Variants in CTIF observed in about 807,000 individuals in gnomAD.
CTIF encodes the protein CBP80/20-dependent translation initiation factor.
Under a neutral mutation model 66.0 loss-of-function variants are expected in CTIF, and 21 were observed. The observed-to-expected ratio is 0.32, with a 90% CI of 0.23 to 0.46. CTIF has a LOEUF of 0.46. Ranked by LOEUF, CTIF falls within the 20% of genes least tolerant of loss-of-function variation. The probability of loss-of-function intolerance (pLI) is 1.00; values close to 1 mark genes in which losing one functional copy is unlikely to be tolerated. For synonymous variants in CTIF, 345 were observed against 326.4 expected (o/e 1.06, Z -0.62); for missense variants, 739 against 812.7 (o/e 0.91, Z 1.10).
intron 1 of CTIF, among the ~76,000 whole-genome samples, chr18:48,552,732 A>T (rs1403049848): frequency 6.6e-6 from 1 of 152,178 alleles, no homozygotes; most frequent in Non-Finnish European, 1.5e-5. Flanking sequence ...GCGGAGGTTG[A>T]GTGTTTTACC....
chr18:48,664,363 C>T (rs2091398290), intron 4 of CTIF, 84 bp from the exon 5 acceptor site: 1 of 1,237,130 alleles, frequency 8.1e-7, no homozygotes, highest in Non-Finnish European at 1.2e-6. Flanking sequence ...TCTGCTCTGC[C>T]AGGTTCAGCC....
At chr18:48,721,103 C>T (rs1360530926) in intron 7 of CTIF, among the ~76,000 whole-genome samples, 1 of 152,226 alleles carries the variant, frequency 6.6e-6, no homozygotes, top group Non-Finnish European at 1.5e-5. Flanking sequence ...AGTTGGAGAG[C>T]AGAGTACTAC....
chr18:48,858,561 C>CT (rs2069382698), intron 11 of CTIF, among the ~76,000 whole-genome samples: 2 of 152,066 alleles, frequency 1.3e-5, no homozygotes, highest in African/African-American at 4.8e-5. Context: ...TCAAGGGAGG[C>CT]TTTGTGAAGA....
At chr18:48,671,111 A>G (rs1440855764) in intron 6 of CTIF, among the ~76,000 whole-genome samples, 1 of 152,150 alleles carries the variant, frequency 6.6e-6, no homozygotes, top group Non-Finnish European at 1.5e-5. Flanking sequence ...GCAGGCCTGG[A>G]AGAGATTCTA....
intron 6 of CTIF, among the ~76,000 whole-genome samples, chr18:48,696,957 C>T (rs954809227): frequency 3.3e-5 from 5 of 152,212 alleles, no homozygotes; most frequent in Middle Eastern, 3.2e-3. Flanking sequence ...GGACCCAGGT[C>T]TTTGTTACCT....
intron 7 of CTIF, among the ~76,000 whole-genome samples, chr18:48,712,652 A>G (rs907127701): frequency 5.9e-5 from 9 of 152,264 alleles, no homozygotes; most frequent in Non-Finnish European, 1.2e-4. Flanking sequence ...TTTAATGAAC[A>G]GAGAATGTTC....
intron 1 of CTIF, among the ~76,000 whole-genome samples, chr18:48,589,142 A>G (rs1408096201): frequency 1.3e-5 from 2 of 152,208 alleles, no homozygotes; most frequent in Non-Finnish European, 2.9e-5. Flanking sequence ...TGAGTTTCCC[A>G]GGACTATTGT....
intron 1 of CTIF, among the ~76,000 whole-genome samples, chr18:48,579,478 G>T (rs1346731448): frequency 6.6e-6 from 1 of 152,142 alleles, no homozygotes; most frequent in African/African-American, 2.4e-5. Context: ...ATACCCAGTT[G>T]TCTCAGCAAT....
chr18:48,695,907 T>G (rs1484988814), intron 6 of CTIF, among the ~76,000 whole-genome samples: 1 of 152,334 alleles, frequency 6.6e-6, no homozygotes, highest in East Asian at 1.9e-4. Context: ...TTGGGCTGTC[T>G]CCTCCGCATG....
chr18:48,776,079 C>T (rs1431022721), intron 9 of CTIF, among the ~76,000 whole-genome samples: 1 of 152,262 alleles, frequency 6.6e-6, no homozygotes, highest in Admixed American at 6.5e-5. Context: ...GAGTGGGCTG[C>T]TGAATCTGCG....
At chr18:48,652,860 A>T (rs994663565) in intron 3 of CTIF, among the ~76,000 whole-genome samples, 7 of 152,328 alleles carry the variant, frequency 4.6e-5, no homozygotes, top group African/African-American at 1.7e-4. Flanking sequence ...TCACATAAAC[A>T]AAACCAACGA....
At chr18:48,583,442 T>TA (rs1470806554) in intron 1 of CTIF, among the ~76,000 whole-genome samples, 1 of 152,172 alleles carries the variant, frequency 6.6e-6, no homozygotes, top group Non-Finnish European at 1.5e-5. Context: ...CAGGTCGCAT[T>TA]ATTCTTAGAT....
chr18:48,832,970 C>T (rs1012699372), intron 10 of CTIF, among the ~76,000 whole-genome samples: 5 of 152,132 alleles, frequency 3.3e-5, no homozygotes, highest in Admixed American at 1.3e-4. Context: ...ATTAGTCTGC[C>T]GCTTTTGGTC....
chr18:48,848,254 T>TC (rs1309167905), intron 10 of CTIF, among the ~76,000 whole-genome samples: 1 of 151,984 alleles, frequency 6.6e-6, no homozygotes, highest in Non-Finnish European at 1.5e-5. Context: ...CTTCAGCTTG[T>TC]CCCCCCACAG....
At position 48,684,369 on chromosome 18, in the gene CTIF, T is replaced by A. The variant is rs1342010245; in HGVS notation, c.507+13625T>A. Reference sequence around the variant, plus strand: ...GTCCTCAAGTGACCCGTTCCATTCCTCAAAGCAACTACATACCTTCACTGT... The same window carrying A: ...GTCCTCAAGTGACCCGTTCCATTCCACAAAGCAACTACATACCTTCACTGT... On this transcript the variant is annotated intron_variant, in intron 6 of 11. Transcript: ENST00000256413. Among the ~76,000 whole-genome samples the A allele has an allele frequency of 2.6e-5, 4 of 152,212 alleles. No individual in the cohort carries two copies. In the South Asian group the frequency reaches 8.3e-4, roughly 32 times the overall value.
At chr18:48,716,304 G>T (rs2092281440) in intron 7 of CTIF, among the ~76,000 whole-genome samples, 1 of 152,208 alleles carries the variant, frequency 6.6e-6, no homozygotes, top group Non-Finnish European at 1.5e-5. Flanking sequence ...ATGACTGTCA[G>T]TCATCCACGT....
intron 1 of CTIF, among the ~76,000 whole-genome samples, chr18:48,540,960 C>T (rs957904397): frequency 4.6e-5 from 7 of 152,100 alleles, no homozygotes; most frequent in Non-Finnish European, 7.4e-5. Context: ...GCTGTGCGGC[C>T]GGAGTCACAC....
At chr18:48,744,909 G>A (rs978744132) in intron 7 of CTIF, among the ~76,000 whole-genome samples, 1 of 151,198 alleles carries the variant, frequency 6.6e-6, no homozygotes, top group Non-Finnish European at 1.5e-5. Context: ...TGCAAGCTCC[G>A]CCTCCCGGAT....
At chr18:48,853,256 G>A (rs76311845) in intron 10 of CTIF, among the ~76,000 whole-genome samples, 2 of 152,250 alleles carry the variant, frequency 1.3e-5, no homozygotes, top group East Asian at 1.9e-4. Flanking sequence ...GTCAGGGGCC[G>A]CAGAAAAGGG....
Sources: gnomAD v4.1 joint callset for allele counts (sites outside exome capture counted in the v4.1 genomes callset) on GRCh38, gnomAD v4.1.1 for gene constraint, MANE v1.5 for transcripts, NCBI Gene and HGNC (gene_info 2026-07-23, HGNC 2026-07-21) for gene names.